The following FHIT variants were observed in gnomAD, a reference collection of about 807,000 sequenced individuals.
FHIT encodes fragile histidine triad diadenosine triphosphatase.
FHIT carries 19 observed loss-of-function variants against 17.9 expected under a neutral mutation model. The observed-to-expected ratio is 1.06, with a 90% CI of 0.74 to 1.56. FHIT has a LOEUF of 1.56. FHIT is among the 40% of genes most tolerant of loss of function. The probability of loss-of-function intolerance (pLI) is 0.00; values close to 1 mark genes in which losing one functional copy is unlikely to be tolerated. For synonymous variants in FHIT, 81 were observed against 69.7 expected (o/e 1.16, Z -0.81); for missense variants, 248 against 189.2 (o/e 1.31, Z -1.82).
At chr3:59,764,915 C>G (rs1701719414) in intron 8 of FHIT, among the ~76,000 whole-genome samples, 1 of 74,794 alleles carries the variant, frequency 1.3e-5, no homozygotes, top group African/African-American at 4.2e-5. Context: ...CACACACACA[C>G]ACACAGCTTT....
At chr3:60,365,692 C>T (rs1157331269) in intron 5 of FHIT, among the ~76,000 whole-genome samples, 1 of 152,108 alleles carries the variant, frequency 6.6e-6, no homozygotes, top group South Asian at 2.1e-4. Context: ...TGAAAATTTT[C>T]AATGATTTAA....
intron 1 of FHIT, among the ~76,000 whole-genome samples, chr3:61,230,309 T>C (rs1189840309): frequency 6.6e-6 from 1 of 152,126 alleles, no homozygotes; most frequent in Non-Finnish European, 1.5e-5. Context: ...TAATAGTGAG[T>C]GAGTTCTTGT....
chr3:60,231,166 TTTCTCCTTCTTTGCAGATATATTA>T (rs1243566431), intron 5 of FHIT, among the ~76,000 whole-genome samples: 4 of 152,170 alleles, frequency 2.6e-5, no homozygotes, highest in Non-Finnish European at 4.4e-5. Flanking sequence ...AGGAAAAATT[TTTCTCCTTCTTTGCAGATATATTA>T]TTCTCCTTCT....
At chr3:60,865,327 C>T (rs1704108773) in intron 3 of FHIT, among the ~76,000 whole-genome samples, 14 of 151,984 alleles carry the variant, frequency 9.2e-5, no homozygotes, top group Admixed American at 8.5e-4. Flanking sequence ...TCCCATTAGC[C>T]CCATTTCAAG....
intron 4 of FHIT, among the ~76,000 whole-genome samples, chr3:60,738,657 G>A (rs6781958): frequency 0.079 from 12,001 of 152,216 alleles, 567 homozygotes; most frequent in East Asian, 0.23. Context: ...GTGTGGTCAC[G>A]GACAAGCAGT....
intron 3 of FHIT, among the ~76,000 whole-genome samples, chr3:61,017,936 G>A: frequency 6.6e-6 from 1 of 152,058 alleles, no homozygotes; most frequent in Non-Finnish European, 1.5e-5. Context: ...ACCAAAAAGA[G>A]AAAAAGAAGA....
intron 5 of FHIT, among the ~76,000 whole-genome samples, chr3:60,409,664 T>C (rs1701995002): frequency 6.6e-6 from 1 of 152,232 alleles, no homozygotes; most frequent in Non-Finnish European, 1.5e-5. Context: ...AACATTTTCT[T>C]GCTGAAAGTA....
intron 5 of FHIT, among the ~76,000 whole-genome samples, chr3:60,436,748 G>T (rs564246955): frequency 6.6e-6 from 1 of 152,218 alleles, no homozygotes; most frequent in South Asian, 2.1e-4. Context: ...TCACAGATCT[G>T]AGCCAAAAGA....
intron 4 of FHIT, among the ~76,000 whole-genome samples, chr3:60,787,598 T>C (rs1325578772): frequency 3.9e-5 from 6 of 152,348 alleles, no homozygotes; most frequent in African/African-American, 1.4e-4. Flanking sequence ...ATGAAACAGG[T>C]AAGTGAACAT....
intron 8 of FHIT, among the ~76,000 whole-genome samples, chr3:59,852,609 G>A (rs1481914205): frequency 1.3e-5 from 2 of 152,104 alleles, no homozygotes; most frequent in African/African-American, 4.8e-5. Context: ...ATAATGGCAT[G>A]TATCCACCAT....
At chr3:59,898,782 G>A (rs536177732) in intron 8 of FHIT, among the ~76,000 whole-genome samples, 38 of 152,038 alleles carry the variant, frequency 2.5e-4, no homozygotes, top group African/African-American at 3.6e-4. Context: ...ATTTCTCACC[G>A]ACATTAGTAA....
intron 4 of FHIT, among the ~76,000 whole-genome samples, chr3:60,771,156 T>C (rs1397577053): frequency 1.3e-5 from 2 of 152,266 alleles, no homozygotes; most frequent in African/African-American, 4.8e-5. Context: ...GCCTATTTAT[T>C]GTATGAAATA....
chr3:60,118,919 G>A (rs1705116365), intron 5 of FHIT, among the ~76,000 whole-genome samples: 1 of 151,042 alleles, frequency 6.6e-6, no homozygotes, highest in Admixed American at 6.6e-5. Context: ...TACTAGGGAG[G>A]CTGAGGCAGA....
At chr3:60,970,660 A>T (rs1002308026) in intron 3 of FHIT, among the ~76,000 whole-genome samples, 11 of 152,138 alleles carry the variant, frequency 7.2e-5, no homozygotes, top group African/African-American at 2.7e-4. Flanking sequence ...TTCTTGACTT[A>T]TTAGAATCTA....
intron 8 of FHIT, among the ~76,000 whole-genome samples, chr3:59,906,611 A>T (rs1704597066): frequency 6.6e-6 from 1 of 152,212 alleles, no homozygotes. Flanking sequence ...GATGGATCTC[A>T]ATGGCCTGCG....
chr3:60,073,398 C>G (rs763459931), intron 5 of FHIT, among the ~76,000 whole-genome samples: 31 of 152,100 alleles, frequency 2.0e-4, no homozygotes, highest in Non-Finnish European at 3.8e-4. Context: ...GATGACAGCT[C>G]TGTATCTATC....
rs11918782 is a variant in FHIT at position 60,692,441 on chromosome 3, C to A, written c.-18+129478G>T. Among the ~76,000 whole-genome samples, 934 of 152,168 alleles carry A rather than the reference C, an allele frequency of 6.1e-3. 9 individuals are homozygous for A. The highest frequency in any genetic ancestry group is 0.02 in the African/African-American group (831 of 41,518). ...ATTATCCTCCAGTACCAGGGTGGGA[C>A]CAATGTAATCACAAGGGTCATTAAA... On this transcript the variant is annotated intron_variant, in intron 4 of 9. Coordinates refer to ENST00000492590, the MANE Select transcript of FHIT (RefSeq NM_002012.4).
intron 2 of FHIT, among the ~76,000 whole-genome samples, chr3:61,046,473 G>A (rs1196450647): frequency 6.6e-6 from 1 of 152,074 alleles, no homozygotes; most frequent in Non-Finnish European, 1.5e-5. Flanking sequence ...ACCAATAACA[G>A]GCTCTGAAAT....
rs945400260 is a variant in FHIT at position 60,339,343 on chromosome 3, T to C, written c.103+197517A>G. ...ACTATATTTCTAGTCCATATCTGAA[T>C]CCATATCTGAAACAAAGACCACGTC... On this transcript the variant is annotated intron_variant, in intron 5 of 9. Transcript: ENST00000492590. Among the ~76,000 whole-genome samples the C allele has an allele frequency of 2.0e-5, 3 of 152,290 alleles. No homozygotes were observed. The South Asian group carries it at 6.2e-4, about 32-fold the overall frequency.
Sources: allele counts gnomAD v4.1 joint callset (sites outside exome capture counted in the v4.1 genomes callset), GRCh38; gene constraint gnomAD v4.1.1; transcripts MANE v1.5; gene names NCBI Gene and HGNC (gene_info 2026-07-23, HGNC 2026-07-21).